The following CHN2 variants were observed in gnomAD, a reference collection of about 807,000 sequenced individuals.
CHN2 encodes beta-chimaerin.
CHN2 carries 35 observed loss-of-function variants against 56.3 expected under a neutral mutation model. That is an observed-to-expected ratio of 0.62 (90% CI 0.47 to 0.82). The LOEUF is 0.82. Among genes scored for constraint, CHN2 ranks in the 40% least tolerant of loss-of-function variants. The pLI is 0.00. For missense variants in CHN2, 491 were observed against 580.5 expected, an observed-to-expected ratio of 0.85 and a Z score of 1.58; for synonymous variants, 210 against 212.8, an observed-to-expected ratio of 0.99 and a Z score of 0.12.
At chr7:29,188,952 T>TC (rs929086813) in intron 2 of CHN2, among the ~76,000 whole-genome samples, 4 of 150,174 alleles carry the variant, frequency 2.7e-5, no homozygotes, top group African/African-American at 9.8e-5. Context: ...TCATACCTTT[T>TC]TTTTTTTTTT....
chr7:29,159,511 A>G (rs1794890420), intron 2 of CHN2, among the ~76,000 whole-genome samples: 1 of 152,232 alleles, frequency 6.6e-6, no homozygotes, highest in Non-Finnish European at 1.5e-5. Context: ...GTGTTTTATC[A>G]TGTAACATGT....
chr7:29,368,705 A>T (rs1799371946), intron 3 of CHN2, among the ~76,000 whole-genome samples: 1 of 152,178 alleles, frequency 6.6e-6, no homozygotes, highest in Admixed American at 6.5e-5. Context: ...CTCCAATTCC[A>T]ACACTCTTGA....
intron 2 of CHN2, among the ~76,000 whole-genome samples, chr7:29,156,560 A>G (rs1329884999): frequency 6.6e-6 from 1 of 152,204 alleles, no homozygotes; most frequent in Non-Finnish European, 1.5e-5. Flanking sequence ...GAGGCATCTG[A>G]AGGAACTCAG....
At chr7:29,476,039 A>T (rs1041509335) in intron 6 of CHN2, among the ~76,000 whole-genome samples, 1 of 152,206 alleles carries the variant, frequency 6.6e-6, no homozygotes, top group African/African-American at 2.4e-5. Context: ...ATTTTATGTT[A>T]AGTGTAGTAG....
Position 29,288,034 on chromosome 7 carries a change from C to A in CHN2, c.50-66591C>A, listed in dbSNP as rs193013355. ...TTATGTCCTTTATTTCCAATTCATG[C>A]AGTATTTAAAATGACAATATGAAAA... On this transcript the variant is annotated intron_variant, in intron 1 of 12. Coordinates refer to ENST00000222792, the MANE Select transcript of CHN2 (RefSeq NM_004067.4). Among the ~76,000 whole-genome samples the A allele has an allele frequency of 2.0e-3, 311 of 152,064 alleles. 3 individuals carry two copies. Among genetic ancestry groups the A allele is most frequent in the African/African-American group, 7.2e-3 (298 of 41,448 alleles).
intron 1 of CHN2, among the ~76,000 whole-genome samples, chr7:29,299,150 C>G (rs1038320305): frequency 2.0e-5 from 3 of 152,194 alleles, no homozygotes; most frequent in Non-Finnish European, 4.4e-5. Flanking sequence ...GGCTCCCCAC[C>G]ACTGCAAAAG....
chr7:29,387,511 C>A (rs748923454), intron 3 of CHN2, among the ~76,000 whole-genome samples: 5 of 152,286 alleles, frequency 3.3e-5, no homozygotes, highest in South Asian at 4.1e-4. Flanking sequence ...AGCTATGACA[C>A]GTTCTCTCAT....
chr7:29,275,961 G>A (rs925074488), intron 1 of CHN2, among the ~76,000 whole-genome samples: 2 of 151,958 alleles, frequency 1.3e-5, no homozygotes, highest in African/African-American at 4.8e-5. Flanking sequence ...TACTATGGTC[G>A]CTATTTGGGT....
chr7:29,191,996 G>C (rs1246372947), upstream of CHN2: 2 of 151,844 alleles, frequency 1.3e-5, no homozygotes, highest in Admixed American at 1.3e-4. Flanking sequence ...TATTCATGTT[G>C]AGTTTTCTGC....
intron 6 of CHN2, among the ~76,000 whole-genome samples, chr7:29,455,604 C>T (rs532073264): frequency 6.6e-6 from 1 of 152,276 alleles, no homozygotes; most frequent in African/African-American, 2.4e-5. Context: ...TTCAGATATC[C>T]ATCTTACAAG....
chr7:29,352,186 T>C (rs891453605), intron 1 of CHN2, among the ~76,000 whole-genome samples: 2 of 152,124 alleles, frequency 1.3e-5, no homozygotes, highest in African/African-American at 4.8e-5. Context: ...CTTGAGACCT[T>C]CCCCGAGTAT....
At chr7:29,339,254 AC>A (rs992966376) in intron 1 of CHN2, among the ~76,000 whole-genome samples, 1 of 152,124 alleles carries the variant, frequency 6.6e-6, no homozygotes, top group African/African-American at 2.4e-5. Context: ...AGTTTGCTAT[AC>A]TTTTTTTTAA....
chr7:29,478,231 T>C (rs1786771357), intron 6 of CHN2, among the ~76,000 whole-genome samples: 1 of 152,188 alleles, frequency 6.6e-6, no homozygotes, highest in African/African-American at 2.4e-5. Context: ...CAGAGCAAGC[T>C]ACCAAGGTTA....
At chr7:29,333,369 C>T (rs1796368950) in intron 1 of CHN2, among the ~76,000 whole-genome samples, 1 of 152,142 alleles carries the variant, frequency 6.6e-6, no homozygotes, top group South Asian at 2.1e-4. Context: ...TCTCAGAGCC[C>T]TGCTCAGAGT....
At chr7:29,219,889 C>T (rs1248454229) in intron 1 of CHN2, among the ~76,000 whole-genome samples, 3 of 152,056 alleles carry the variant, frequency 2.0e-5, no homozygotes, top group African/African-American at 4.8e-5. Context: ...TCCTGGCTAA[C>T]ACAGTGAAAC....
chr7:29,425,244 A>C (rs1804745722), intron 6 of CHN2, among the ~76,000 whole-genome samples: 1 of 152,202 alleles, frequency 6.6e-6, no homozygotes, highest in Non-Finnish European at 1.5e-5. Flanking sequence ...AGATTTCCAG[A>C]TGAGTGCATT....
At chr7:29,335,625 A>T (rs1325243165) in intron 1 of CHN2, 1 of 152,232 alleles carries the variant, frequency 6.6e-6, no homozygotes, top group Non-Finnish European at 1.5e-5. Context: ...TAGAGCCTGC[A>T]TGTGTCAGGT....
At chr7:29,318,058 T>A (rs1209206911) in intron 1 of CHN2, among the ~76,000 whole-genome samples, 2 of 152,206 alleles carry the variant, frequency 1.3e-5, no homozygotes, top group Non-Finnish European at 2.9e-5. Context: ...ATGTAGATGA[T>A]GCCCCAGTGT....
At chr7:29,157,027 G>A (rs942120180) in intron 2 of CHN2, among the ~76,000 whole-genome samples, 2 of 152,160 alleles carry the variant, frequency 1.3e-5, no homozygotes, top group Non-Finnish European at 2.9e-5. Context: ...ATGTCAGCAG[G>A]AAGTAATCTC....
Sources: allele counts gnomAD v4.1 joint callset (sites outside exome capture counted in the v4.1 genomes callset), GRCh38; gene constraint gnomAD v4.1.1; transcripts MANE v1.5; gene names NCBI Gene and HGNC (gene_info 2026-07-23, HGNC 2026-07-21).